RCSD1: variants seen among roughly 807,000 people sequenced by gnomAD.
The protein encoded by RCSD1 is RCSD domain containing 1.
A neutral mutation model predicts 42.5 loss-of-function variants in RCSD1; 26 were observed. The ratio of observed to expected loss-of-function variants is 0.61; its 90% confidence interval spans 0.45 to 0.85. The LOEUF is 0.85. RCSD1 is among the 40% of genes least tolerant of loss of function. RCSD1 has a pLI of 0.00. For missense variants in RCSD1, 571 were observed against 528.3 expected, an observed-to-expected ratio of 1.08 and a Z score of -0.79; for synonymous variants, 220 against 212.2, an observed-to-expected ratio of 1.04 and a Z score of -0.32.
chr1:167,678,967 G>C (rs1157324334), intron 1 of RCSD1, among the ~76,000 whole-genome samples: 2 of 150,770 alleles, frequency 1.3e-5, no homozygotes, highest in Admixed American at 6.6e-5. Context: ...TAAGTGCCCT[G>C]TTTTATTTTC....
chr1:167,681,946 T>A (rs979636573), intron 1 of RCSD1, among the ~76,000 whole-genome samples: 2 of 152,170 alleles, frequency 1.3e-5, no homozygotes, highest in African/African-American at 2.4e-5. Context: ...GGCCTCGCAC[T>A]CCTCGGCTTT....
At chr1:167,651,986 T>A (rs907912709) in intron 1 of RCSD1, among the ~76,000 whole-genome samples, 1 of 148,300 alleles carries the variant, frequency 6.7e-6, no homozygotes, top group African/African-American at 2.5e-5. Context: ...TGGGAGGAGG[T>A]TCCCCCAGCC....
chr1:167,678,595 G>A (rs904879432), intron 1 of RCSD1, among the ~76,000 whole-genome samples: 10 of 152,040 alleles, frequency 6.6e-5, no homozygotes, highest in East Asian at 1.9e-4. Context: ...CAGCTGGACC[G>A]CTGCCAGCAC....
chr1:167,688,804 G>T (rs966517463), intron 3 of RCSD1, among the ~76,000 whole-genome samples: 1 of 152,068 alleles, frequency 6.6e-6, no homozygotes, highest in African/African-American at 2.4e-5. Flanking sequence ...TAGTACATGG[G>T]GTCAAGGAGC....
intron 4 of RCSD1, 81 bp downstream of exon 4, chr1:167,690,201 A>G: frequency 7.5e-7 from 1 of 1,337,936 alleles, no homozygotes; most frequent in Non-Finnish European, 1.1e-6. Flanking sequence ...TTTGAGGCTC[A>G]TAGGGGTAGC....
At position 167,694,296 on chromosome 1, in the gene RCSD1, C is replaced by T; in HGVS notation, c.468C>T (p.Tyr156=). The T allele has an allele frequency of 6.2e-7, 1 of 1,613,896 alleles. No homozygotes were observed. The highest frequency in any genetic ancestry group is 2.2e-5 in the East Asian group (1 of 44,872). Residue 156 remains tyrosine (Y), a synonymous_variant, in exon 5 of 7, where the codon TAC becomes TAT. Coordinates refer to ENST00000367854, the MANE Select transcript of RCSD1 (RefSeq NM_052862.4). The part of the protein sequence containing the change: ...QPPEGSHLPC[Y]NKVRTRGSIK... Reference sequence around the variant, plus strand: ...CTGAAGGCAGTCATCTGCCCTGTTACAACAAGGTAAATTCTAGCTCCAGAT... The same window carrying T: ...CTGAAGGCAGTCATCTGCCCTGTTATAACAAGGTAAATTCTAGCTCCAGAT...
At chr1:167,686,912 T>C (rs1226692248) in intron 3 of RCSD1, among the ~76,000 whole-genome samples, 1 of 152,252 alleles carries the variant, frequency 6.6e-6, no homozygotes, top group East Asian at 1.9e-4. Flanking sequence ...GAATCATTTT[T>C]CTTATTTGTG....
chr1:167,682,693 G>C (rs1419594455), intron 1 of RCSD1, among the ~76,000 whole-genome samples: 1 of 151,846 alleles, frequency 6.6e-6, no homozygotes, highest in East Asian at 1.9e-4. Context: ...GTGTGTGTGT[G>C]TGTGTGTGTG....
chr1:167,641,226 G>A (rs1055511167), intron 1 of RCSD1, among the ~76,000 whole-genome samples: 1 of 152,082 alleles, frequency 6.6e-6, no homozygotes, highest in East Asian at 1.9e-4. Flanking sequence ...CAACTCATCT[G>A]GTCACTTTTC....
rs929052091 is a variant in RCSD1, at chr1:167,705,883, G to T, written c.*1187G>T. 1 of 152,200 alleles carries T rather than the reference G, an allele frequency of 6.6e-6. No homozygotes were observed. The highest frequency in any genetic ancestry group is 1.5e-5 in the Non-Finnish European group (1 of 68,040). The allele number at this position is 152,200 out of a possible 1,614,324, so 9.4% of individuals were successfully genotyped here. On this transcript the variant is annotated 3_prime_UTR_variant, in exon 7 of 7. Transcript: ENST00000367854. ...TCTTCATACACTCCTGCTGAAAAAT[G>T]TTAATCCAAATACACATTTAAACTT...
intron 1 of RCSD1, among the ~76,000 whole-genome samples, chr1:167,682,209 AC>A (rs1170648011): frequency 6.9e-6 from 1 of 145,440 alleles, no homozygotes; most frequent in Non-Finnish European, 1.5e-5. Context: ...TCATTCTGTC[AC>A]CCAGTCTGGA....
Position 167,688,607 on chromosome 1 carries a change from A to G in RCSD1, c.199-1442A>G, listed in dbSNP as rs113117410. Among the ~76,000 whole-genome samples, 381 of 152,340 alleles carry G rather than the reference A, an allele frequency of 2.5e-3. 3 individuals are homozygous for G. The highest frequency in any genetic ancestry group is 8.9e-3 in the African/African-American group (369 of 41,580). ...TCTGGCTCCTGCCAAAACTAGAATTAGAAGGAGTGGGGATCCTGTAAGTCC... is the reference window on the plus strand; with the variant it reads ...TCTGGCTCCTGCCAAAACTAGAATTGGAAGGAGTGGGGATCCTGTAAGTCC... On this transcript the variant is annotated intron_variant, in intron 3 of 6. Transcript: ENST00000367854.
intron 5 of RCSD1, among the ~76,000 whole-genome samples, chr1:167,695,960 T>G (rs771841281): frequency 1.4e-4 from 22 of 152,178 alleles, no homozygotes; most frequent in Non-Finnish European, 2.8e-4. Context: ...CCCAGAGAGA[T>G]CACCTTCAGG....
chr1:167,643,052 G>A (rs899824884), intron 1 of RCSD1, among the ~76,000 whole-genome samples: 3 of 152,148 alleles, frequency 2.0e-5, no homozygotes, highest in Non-Finnish European at 4.4e-5. Context: ...TCAGGATCCC[G>A]GTCAGTTCCG....
At chr1:167,642,313 C>T (rs933021954) in intron 1 of RCSD1, among the ~76,000 whole-genome samples, 6 of 130,516 alleles carry the variant, frequency 4.6e-5, no homozygotes, top group Non-Finnish European at 6.7e-5. Context: ...GGGGGAAAGC[C>T]GAGGGAGAAA....
intron 3 of RCSD1, among the ~76,000 whole-genome samples, chr1:167,687,995 C>CTA (rs146682555): frequency 0.017 from 2,517 of 152,308 alleles, 75 homozygotes; most frequent in African/African-American, 0.058. Context: ...GTAAATACAG[C>CTA]TATATATATA....
At chr1:167,664,572 T>C (rs1300771640) in intron 1 of RCSD1, 1 of 152,244 alleles carries the variant, frequency 6.6e-6, no homozygotes, top group Non-Finnish European at 1.5e-5. Context: ...TATACAGTCA[T>C]ATAGCCACCA....
At chr1:167,637,764 A>C (rs941062646) in intron 1 of RCSD1, among the ~76,000 whole-genome samples, 2 of 131,520 alleles carry the variant, frequency 1.5e-5, no homozygotes, top group African/African-American at 2.7e-5. Flanking sequence ...ACACACACAC[A>C]CCCCTTCTGT....
intron 1 of RCSD1, chr1:167,664,176 G>A (rs897961711): frequency 6.6e-6 from 1 of 152,254 alleles, no homozygotes; most frequent in Admixed American, 6.5e-5. Flanking sequence ...CAATTACAGA[G>A]TGGGATCCAA....
Sources: allele counts gnomAD v4.1 joint callset (sites outside exome capture counted in the v4.1 genomes callset), GRCh38; gene constraint gnomAD v4.1.1; transcripts MANE v1.5; gene names NCBI Gene and HGNC (gene_info 2026-07-23, HGNC 2026-07-21).